The following SYN1 variants were observed in gnomAD, a reference collection of about 807,000 sequenced individuals.
SYN1 encodes synapsin I.
Under a neutral mutation model 44.6 loss-of-function variants are expected in SYN1, and 8 were observed. That is an observed-to-expected ratio of 0.18 (90% CI 0.11 to 0.32). The LOEUF is 0.32. Ranked by LOEUF, SYN1 falls within the 10% of genes least tolerant of loss-of-function variation. SYN1 has a pLI of 1.00. For missense variants in SYN1, 451 were observed against 639.4 expected (o/e 0.71, Z 3.18); for synonymous variants, 275 against 280.1 (o/e 0.98, Z 0.18).
At chrX:47,602,712 T>A (rs1603069318) in intron 5 of SYN1, among the ~76,000 whole-genome samples, 1 of 111,956 alleles carries the variant, frequency 8.9e-6, no homozygotes, top group African/African-American at 3.2e-5. Context: ...ACTGTTGACG[T>A]ATATCAGTGA....
At chrX:47,574,623 G>C in intron 11 of SYN1, 33 bp from the exon 12 acceptor site, 1 of 1,119,213 alleles carries the variant, frequency 8.9e-7, no homozygotes, top group Non-Finnish European at 1.2e-6. Flanking sequence ...GAGCACACGT[G>C]AGAGTGAGCG....
Position 47,576,384 on chromosome X carries a change from A to T in SYN1, c.1003T>A (p.Trp335Arg). 8.3e-7 allele frequency: 1 copy of T among 1,211,981 alleles called. No homozygotes were observed. The highest frequency in any genetic ancestry group is 1.1e-6 in the Non-Finnish European group (1 of 895,579). The change falls in exon 8 of 13, where the codon TGG (tryptophan) becomes AGG (arginine). Residue 335 changes from tryptophan to arginine, a missense_variant. Physicochemically the swap from Trp to Arg is moderately radical, Grantham distance 101. Transcript: ENST00000295987. ...AYMRTSVSGN[W>R]KTNTGSAMLE... ...ATCGCAGAGCCAGTATTGGTCTTCC[A>T]GTTCCCTGACACTGACGTCCTCCTG... is the stretch of plus-strand genomic sequence containing the variant.
chrX:47,584,293 TATTGAGGATGATCAGAG>T lies in SYN1; in HGVS notation c.775-6809_775-6793del, dbSNP rs1322925012. On this transcript the variant is annotated intron_variant, in intron 5 of 12. Coordinates refer to ENST00000295987, the MANE Select transcript of SYN1 (RefSeq NM_006950.3). ...TGATCAGAGATTGAGGATGATCAGG[TATTGAGGATGATCAGAG>T]ATTGAGGATGATCAGGTATTGAGGA... Among the ~76,000 whole-genome samples, 3 of 110,453 alleles carry T rather than the reference TATTGAGGATGATCAGAG, an allele frequency of 2.7e-5. No individual in the cohort carries two copies. The South Asian group carries it at 1.2e-3, about 43-fold the overall frequency.
At chrX:47,598,400 GAA>G (rs113657775) in intron 5 of SYN1, among the ~76,000 whole-genome samples, 3 of 100,303 alleles carry the variant, frequency 3.0e-5, no homozygotes, top group East Asian at 3.1e-4. Flanking sequence ...AAACAACTAA[GAA>G]AAAAAAAAAA....
At chrX:47,585,407 G>A in intron 5 of SYN1, 1 of 1,198,914 alleles carries the variant, frequency 8.3e-7, no homozygotes. Flanking sequence ...GAGGGGGCGA[G>A]GCTCTGATGG....
intron 1 of SYN1, among the ~76,000 whole-genome samples, chrX:47,608,291 G>GGAGGAAGGAAGGGGAA (rs2057905998): frequency 3.5e-5 from 1 of 28,172 alleles, no homozygotes; most frequent in Non-Finnish European, 6.3e-5. Flanking sequence ...AGGAAGGAAG[G>GGAGGAAGGAAGGGGAA]GGAAGGAAGG....
chrX:47,597,502 G>C (rs66782190), intron 5 of SYN1, among the ~76,000 whole-genome samples: 7,317 of 109,931 alleles, frequency 0.067, 641 homozygotes, highest in African/African-American at 0.23. Context: ...AAGAAGAAAA[G>C]TAAACAAAAT....
intron 1 of SYN1, 125 bp from the exon 2 acceptor site, chrX:47,607,323 G>A: frequency 1.8e-6 from 1 of 553,474 alleles, no homozygotes; most frequent in Admixed American, 3.6e-5. Context: ...TATAATTATT[G>A]AAATATTTTG....
chrX:47,574,988 T>C lies in SYN1; in HGVS notation c.1305+140A>G, dbSNP rs2057772976. Reference sequence around the variant, plus strand: ...GGGCAGCAGCTGCTTATCAATGTTTTAAACAATTGGCAATCGCAGCCACAT... The same window carrying C: ...GGGCAGCAGCTGCTTATCAATGTTTCAAACAATTGGCAATCGCAGCCACAT... On this transcript the variant is annotated intron_variant, in intron 10 of 12. Transcript: ENST00000295987. 4 of 937,395 alleles carry C rather than the reference T, an allele frequency of 4.3e-6. No homozygotes were observed. In the South Asian group the frequency reaches 8.8e-5, roughly 21 times the overall value. 77.3% of individuals were successfully genotyped at this position (937,395 alleles called of 1,213,427 possible).
At chrX:47,607,066 C>A (rs1359151806) in intron 2 of SYN1, 30 bp from the exon 3 acceptor site, 1 of 1,207,489 alleles carries the variant, frequency 8.3e-7, no homozygotes, top group African/African-American at 1.7e-5. Flanking sequence ...TGGTGATTCA[C>A]CTACATCACA....
intron 3 of SYN1, among the ~76,000 whole-genome samples, chrX:47,606,552 C>G (rs185594652): frequency 1.9e-5 from 2 of 107,863 alleles, no homozygotes; most frequent in Admixed American, 1.0e-4. Context: ...AGTGAGGACC[C>G]CCCCCATCTC....
chrX:47,582,670 C>T (rs1482714973), intron 5 of SYN1: 1 of 297,637 alleles, frequency 3.4e-6, no homozygotes, highest in East Asian at 1.1e-4. Context: ...CTCCAAACTC[C>T]CTAGAACCCC....
intron 1 of SYN1, among the ~76,000 whole-genome samples, chrX:47,615,710 G>C (rs1022369784): frequency 9.0e-6 from 1 of 111,169 alleles, no homozygotes; most frequent in Non-Finnish European, 1.9e-5. Flanking sequence ...TTTGAGACCA[G>C]CCTGACCAAC....
chrX:47,574,192 C>A lies in SYN1; in HGVS notation c.1792G>T (p.Ala598Ser). 9.4e-7 allele frequency: 1 copy of A among 1,061,588 alleles called. No homozygotes were observed. The highest frequency in any genetic ancestry group is 1.2e-6 in the Non-Finnish European group (1 of 829,704). 87.5% of individuals were successfully genotyped at this position (1,061,588 alleles called of 1,213,427 possible). A position where few individuals can be genotyped will look rare whatever the true frequency, so the allele number is the denominator to read the frequency against. Residue 598 changes from alanine to serine, a missense_variant, in exon 12 of 13, where the codon GCC becomes TCC. By Grantham distance (99) the Ala-to-Ser change is moderately conservative. This residue lies in a region of SYN1 where 127 missense variants were observed against 154.8 expected (regional missense o/e 0.82). Coordinates refer to ENST00000295987, the MANE Select transcript of SYN1 (RefSeq NM_006950.3). Reference protein sequence around the residue: ...QGPPQKPPGPAGPTRQASQAG... With the variant: ...QGPPQKPPGPSGPTRQASQAG... ...TGGCTGGCCTGGCGTGTGGGGCCGG[C>A]TGGGCCTGGGGGTTTCTGGGGCGGG...
chrX:47,586,484 G>A, intron 5 of SYN1: 1 of 1,199,785 alleles, frequency 8.3e-7, no homozygotes, highest in Non-Finnish European at 1.1e-6. Context: ...GGGAGGCAGG[G>A]AGAAGCCCTC....
chrX:47,574,273 C>T lies in SYN1; in HGVS notation c.1711G>A (p.Gly571Ser), dbSNP rs1284009431. 3.6e-6 allele frequency: 4 copies of T among 1,103,790 alleles called. No individual in the cohort carries two copies. Among genetic ancestry groups the T allele is most frequent in the Non-Finnish European group, 4.7e-6 (4 of 849,255 alleles). The allele number at this position is 1,103,790 out of a possible 1,213,427, so 91.0% of individuals were successfully genotyped here. ...PQATRQTSVSGPAPPKASGAP... is the reference protein window; with the variant it reads ...PQATRQTSVSSPAPPKASGAP... Reference sequence around the variant, plus strand: ...CCAGAGGCCTTTGGCGGAGCCGGGCCAGAGACGGATGTCTGACGGGTAGCC... The same window carrying T: ...CCAGAGGCCTTTGGCGGAGCCGGGCTAGAGACGGATGTCTGACGGGTAGCC... The change falls in exon 12 of 13, where the codon GGC becomes AGC. Residue 571 changes from glycine to serine, a missense_variant. Around this residue, in one of 3 missense-constraint regions of SYN1, gnomAD observed 127 missense variants for 154.8 expected, o/e 0.82. Transcript: ENST00000295987.
chrX:47,615,202 A>G (rs932158512), intron 1 of SYN1, among the ~76,000 whole-genome samples: 3 of 112,258 alleles, frequency 2.7e-5, no homozygotes, highest in African/African-American at 9.7e-5. Flanking sequence ...CTTATATATT[A>G]TGTAACATAT....
chrX:47,574,603 G>A lies in SYN1; in HGVS notation c.1394-13C>T. 2.7e-6 allele frequency: 3 copies of A among 1,105,042 alleles called. No individual in the cohort carries two copies. Among genetic ancestry groups the A allele is most frequent in the Non-Finnish European group, 3.6e-6 (3 of 828,339 alleles). The allele number at this position is 1,105,042 out of a possible 1,213,427, so 91.1% of individuals were successfully genotyped here. A position where few individuals can be genotyped will look rare whatever the true frequency, so the allele number is the denominator to read the frequency against. ...TGTGGAGGGCCGCCTGGGGGACAGA[G>A]GGAGAGAAAGAGCACACGTGAGAGT... On this transcript the variant is annotated splice_polypyrimidine_tract_variant and intron_variant, in intron 11 of 12. Coordinates refer to ENST00000295987, the MANE Select transcript of SYN1 (RefSeq NM_006950.3).
chrX:47,578,385 A>T (rs1371275670), intron 5 of SYN1, among the ~76,000 whole-genome samples: 1 of 111,306 alleles, frequency 9.0e-6, no homozygotes, highest in East Asian at 2.8e-4. Flanking sequence ...TACACAACAC[A>T]CAGAGGTGTA....
Sources: allele counts gnomAD v4.1 joint callset (sites outside exome capture counted in the v4.1 genomes callset), GRCh38; gene constraint gnomAD v4.1.1; regional missense constraint gnomAD v4.1.1; transcripts MANE v1.5; gene names NCBI Gene and HGNC (gene_info 2026-07-23, HGNC 2026-07-21).